The following DNAJC5B variants were observed in gnomAD, a reference collection of about 807,000 sequenced individuals.
DNAJC5B encodes the protein dnaJ homolog subfamily C member 5B.
DNAJC5B carries 23 observed loss-of-function variants against 24.7 expected under a neutral mutation model. That is an observed-to-expected ratio of 0.93 (90% CI 0.67 to 1.32). The LOEUF (loss-of-function observed/expected upper bound fraction) is 1.32. Ranked by LOEUF, DNAJC5B falls within the 40% of genes most tolerant of loss-of-function variation. The pLI is 0.00. For missense variants in DNAJC5B, 238 were observed against 240.8 expected, an observed-to-expected ratio of 0.99 and a Z score of 0.08; for synonymous variants, 101 against 90.1, an observed-to-expected ratio of 1.12 and a Z score of -0.68.
chr8:66,081,879 A>T (rs372927832), intron 5 of DNAJC5B, among the ~76,000 whole-genome samples: 5 of 152,182 alleles, frequency 3.3e-5, no homozygotes, highest in Admixed American at 6.5e-5. Flanking sequence ...CAGAATTATA[A>T]CTTTATTTTC....
chr8:66,098,294 C>T (rs1307141073), intron 5 of DNAJC5B, among the ~76,000 whole-genome samples: 2 of 152,164 alleles, frequency 1.3e-5, no homozygotes, highest in East Asian at 3.8e-4. Flanking sequence ...CCTCTGCCTC[C>T]TGGGTTCAAG....
At chr8:66,097,684 A>G (rs1479631593) in intron 5 of DNAJC5B, among the ~76,000 whole-genome samples, 2 of 152,120 alleles carry the variant, frequency 1.3e-5, no homozygotes, top group East Asian at 3.8e-4. Flanking sequence ...CTTTTAAAAA[A>G]GAAATGTAAC....
chr8:66,083,220 C>T (rs1192923137), intron 5 of DNAJC5B, among the ~76,000 whole-genome samples: 1 of 151,804 alleles, frequency 6.6e-6, no homozygotes, highest in African/African-American at 2.4e-5. Context: ...ACCGTATTAG[C>T]CAGGATGGTC....
chr8:66,036,803 T>C (rs1806495686), intron 1 of DNAJC5B, among the ~76,000 whole-genome samples: 1 of 152,212 alleles, frequency 6.6e-6, no homozygotes, highest in African/African-American at 2.4e-5. Flanking sequence ...TGTATTCATT[T>C]GAATATTTTG....
At chr8:66,084,724 C>T (rs1339028077) in intron 5 of DNAJC5B, among the ~76,000 whole-genome samples, 1 of 152,166 alleles carries the variant, frequency 6.6e-6, no homozygotes, top group Non-Finnish European at 1.5e-5. Flanking sequence ...TACATTTATA[C>T]AGTTTTTGTG....
intron 1 of DNAJC5B, among the ~76,000 whole-genome samples, chr8:66,027,767 C>G (rs779493518): frequency 6.6e-6 from 1 of 152,042 alleles, no homozygotes; most frequent in Non-Finnish European, 1.5e-5. Flanking sequence ...TCTCCCTCCC[C>G]GCATCAAGCT....
intron 1 of DNAJC5B, 57 bp from the exon 2 acceptor site, chr8:66,043,431 G>C (rs1806655751): frequency 6.6e-6 from 1 of 152,202 alleles, no homozygotes; most frequent in South Asian, 2.1e-4. Context: ...TGGATGCCTT[G>C]TAATTGCAAG....
chr8:66,071,052 C>G (rs1807336608), intron 3 of DNAJC5B, among the ~76,000 whole-genome samples: 1 of 152,120 alleles, frequency 6.6e-6, no homozygotes, highest in Admixed American at 6.5e-5. Flanking sequence ...AAAATCAACT[C>G]AAGATGGATC....
At chr8:66,092,126 A>T (rs1472791036) in intron 5 of DNAJC5B, among the ~76,000 whole-genome samples, 1 of 152,220 alleles carries the variant, frequency 6.6e-6, no homozygotes, top group African/African-American at 2.4e-5. Context: ...TATGTACTCA[A>T]TGCCACTGAA....
chr8:66,041,764 TA>T (rs1806614677), intron 1 of DNAJC5B, among the ~76,000 whole-genome samples: 1 of 152,262 alleles, frequency 6.6e-6, no homozygotes, highest in African/African-American at 2.4e-5. Context: ...TCACCATTTC[TA>T]GAAAGCCTCA....
intron 2 of DNAJC5B, 128 bp from the exon 3 acceptor site, chr8:66,051,403 C>G (rs73691271): frequency 4.6e-6 from 3 of 650,600 alleles, no homozygotes; most frequent in Non-Finnish European, 8.1e-6. Flanking sequence ...TTTCTCCCCT[C>G]TTTTTGTAGT....
rs560305212 is a variant in DNAJC5B, at chr8:66,078,888, C to T, written c.334-1489C>T. Among the ~76,000 whole-genome samples, 9 of 152,278 alleles carry T rather than the reference C, an allele frequency of 5.9e-5. 1 individual carries two copies. Among genetic ancestry groups the T allele is most frequent in the Middle Eastern group, 3.4e-3 (1 of 294 alleles). ...GAGTGGGGCAGGTGAGGGCTGTCAA[C>T]ATTAAAGATTTCTACCTGAAGTTAT... On this transcript the variant is annotated intron_variant, in intron 4 of 5. Coordinates refer to ENST00000276570, the MANE Select transcript of DNAJC5B (RefSeq NM_033105.6).
chr8:66,018,638 C>T (rs1331181419), upstream of DNAJC5B, among the ~76,000 whole-genome samples: 1 of 152,150 alleles, frequency 6.6e-6, no homozygotes, highest in Non-Finnish European at 1.5e-5. Context: ...TTGTGTACAC[C>T]TACACCACAA....
intron 1 of DNAJC5B, among the ~76,000 whole-genome samples, chr8:66,026,883 G>C (rs928111837): frequency 6.6e-6 from 1 of 152,204 alleles, no homozygotes; most frequent in African/African-American, 2.4e-5. Context: ...GCTGACCTCC[G>C]GAGGCATGCT....
At chr8:66,069,676 A>G (rs1377525673) in intron 3 of DNAJC5B, among the ~76,000 whole-genome samples, 1 of 152,266 alleles carries the variant, frequency 6.6e-6, no homozygotes, top group African/African-American at 2.4e-5. Context: ...TCCAAACAAT[A>G]GAAAAAGAGG....
chr8:66,034,549 G>A (rs1297179235), intron 1 of DNAJC5B, among the ~76,000 whole-genome samples: 1 of 151,920 alleles, frequency 6.6e-6, no homozygotes, highest in African/African-American at 2.4e-5. Flanking sequence ...AGCATCACGT[G>A]CATGAGGGAG....
At chr8:66,015,298 G>C in the DNAJC5B span, among the ~76,000 whole-genome samples, 2 of 152,154 alleles carry the variant, frequency 1.3e-5, no homozygotes, top group East Asian at 1.9e-4. Flanking sequence ...GCCATGAAGG[G>C]AAATGATTAA....
At chr8:66,035,997 G>A (rs1806476295) in intron 1 of DNAJC5B, among the ~76,000 whole-genome samples, 2 of 152,150 alleles carry the variant, frequency 1.3e-5, no homozygotes, top group South Asian at 4.1e-4. Flanking sequence ...TGGCAATCAG[G>A]GGTTGTAAAC....
intron 3 of DNAJC5B, among the ~76,000 whole-genome samples, chr8:66,061,158 A>G (rs1215190079): frequency 6.6e-6 from 1 of 152,140 alleles, no homozygotes; most frequent in Admixed American, 6.5e-5. Context: ...GTGCTTGCCT[A>G]TAGTCCTAGC....
Sources: allele counts gnomAD v4.1 joint callset (sites outside exome capture counted in the v4.1 genomes callset), GRCh38; gene constraint gnomAD v4.1.1; transcripts MANE v1.5; gene names NCBI Gene and HGNC (gene_info 2026-07-23, HGNC 2026-07-21).